Variants in ST8SIA6 observed in about 807,000 individuals in gnomAD.
ST8SIA6 encodes alpha-2,8-sialyltransferase 8F.
In ST8SIA6, 39 loss-of-function variants were observed where a neutral mutation model predicts 33.6. That is an observed-to-expected ratio of 1.16 (90% CI 0.90 to 1.52). The LOEUF is 1.52. ST8SIA6 is among the 40% of genes most tolerant of loss of function. The pLI is 0.00. For synonymous variants in ST8SIA6, 172 were observed against 167.2 expected (o/e 1.03, Z -0.22); for missense variants, 441 against 443.8 (o/e 0.99, Z 0.06).
intron 4 of ST8SIA6, among the ~76,000 whole-genome samples, chr10:17,346,068 T>C (rs1848822593): frequency 6.6e-6 from 1 of 152,170 alleles, no homozygotes; most frequent in African/African-American, 2.4e-5. Flanking sequence ...GAACGTTCAT[T>C]CTCTGGACAC....
chr10:17,401,821 A>G (rs1851052634), intron 2 of ST8SIA6, among the ~76,000 whole-genome samples: 1 of 152,154 alleles, frequency 6.6e-6, no homozygotes, highest in Non-Finnish European at 1.5e-5. Context: ...CTAAAACCAT[A>G]AAAAACCCTA....
At chr10:17,340,332 A>G (rs184956600) in intron 4 of ST8SIA6, among the ~76,000 whole-genome samples, 1 of 149,044 alleles carries the variant, frequency 6.7e-6, no homozygotes, top group African/African-American at 2.6e-5. Flanking sequence ...CACCTGCTCC[A>G]TCCTGAGTCA....
intron 3 of ST8SIA6, among the ~76,000 whole-genome samples, chr10:17,375,560 T>C (rs1173515788): frequency 6.6e-6 from 1 of 152,190 alleles, no homozygotes. Context: ...AATTCAATTG[T>C]TCTCAGTGAT....
rs114355436 is a variant in ST8SIA6, at chr10:17,387,645, G to T, written c.290+2886C>A. On this transcript the variant is annotated intron_variant, in intron 3 of 7. Transcript: ENST00000377602. ...TACAGGACTGGACTGCTGTCACATC[G>T]ATTAACCCAAATCAGAGATCTTAGC... Among the ~76,000 whole-genome samples, 342 of 152,234 alleles carry T rather than the reference G, an allele frequency of 2.2e-3. 2 individuals are homozygous for T. The highest frequency in any genetic ancestry group is 8.0e-3 in the African/African-American group (332 of 41,534).
rs189592962 is a variant in ST8SIA6 at position 17,440,279 on chromosome 10, T to G, written c.200+13280A>C. 8.8e-3 allele frequency among the ~76,000 whole-genome samples: 1,326 copies of G among 150,316 alleles called. 9 individuals carry two copies. The highest frequency in any genetic ancestry group is 0.014 in the Non-Finnish European group (960 of 67,792). On this transcript the variant is annotated intron_variant, in intron 2 of 7. Coordinates refer to ENST00000377602, the MANE Select transcript of ST8SIA6 (RefSeq NM_001004470.3). ...TGGAGTGCAGTGGCATGATCTCAGCTCACTGCAACTCCGCCTCCCGGGCTC... is the reference window on the plus strand; with the variant it reads ...TGGAGTGCAGTGGCATGATCTCAGCGCACTGCAACTCCGCCTCCCGGGCTC...
intron 2 of ST8SIA6, among the ~76,000 whole-genome samples, chr10:17,450,183 C>T (rs1852855938): frequency 6.6e-6 from 1 of 152,036 alleles, no homozygotes; most frequent in Non-Finnish European, 1.5e-5. Flanking sequence ...TTGCTAGATC[C>T]CTGAAAGGTA....
At chr10:17,328,728 C>T (rs1235924158) in intron 5 of ST8SIA6, among the ~76,000 whole-genome samples, 1 of 152,218 alleles carries the variant, frequency 6.6e-6, no homozygotes, top group African/African-American at 2.4e-5. Context: ...CTCCCACCTT[C>T]TCACTAGGTG....
intron 2 of ST8SIA6, among the ~76,000 whole-genome samples, chr10:17,453,113 A>G (rs1331462764): frequency 2.0e-5 from 3 of 152,150 alleles, no homozygotes; most frequent in Non-Finnish European, 4.4e-5. Flanking sequence ...TCCAGTCACT[A>G]AGGACAAAAT....
At chr10:17,422,657 C>T (rs930407091) in intron 2 of ST8SIA6, among the ~76,000 whole-genome samples, 3 of 152,090 alleles carry the variant, frequency 2.0e-5, no homozygotes, top group Admixed American at 6.5e-5. Flanking sequence ...CTTAGTGAAA[C>T]GGACTGTAAA....
Position 17,350,665 on chromosome 10 carries a change from A to G in ST8SIA6, c.377+8849T>C, listed in dbSNP as rs139279044. Reference sequence around the variant, plus strand: ...AGACACCACCTTTTTTTTTTTTAGCAACACTTCTATACCTCAGTTAAAATA... The same window carrying G: ...AGACACCACCTTTTTTTTTTTTAGCGACACTTCTATACCTCAGTTAAAATA... On this transcript the variant is annotated intron_variant, in intron 4 of 7. Transcript: ENST00000377602. 2.5e-3 allele frequency among the ~76,000 whole-genome samples: 386 copies of G among 151,458 alleles called. 2 individuals are homozygous for G. The highest frequency in any genetic ancestry group is 9.0e-3 in the African/African-American group (372 of 41,324).
chr10:17,353,940 C>A (rs1287200611), intron 4 of ST8SIA6, among the ~76,000 whole-genome samples: 1 of 151,888 alleles, frequency 6.6e-6, no homozygotes, highest in East Asian at 1.9e-4. Context: ...GGGTTGGGGG[C>A]GGGAAGAAAG....
intron 4 of ST8SIA6, among the ~76,000 whole-genome samples, chr10:17,356,089 T>G (rs552034208): frequency 6.6e-6 from 1 of 152,336 alleles, no homozygotes; most frequent in South Asian, 2.1e-4. Flanking sequence ...ATACTTATAT[T>G]TCTTGTCTTT....
At chr10:17,390,984 G>A (rs966921585) in intron 2 of ST8SIA6, among the ~76,000 whole-genome samples, 66 of 151,472 alleles carry the variant, frequency 4.4e-4, no homozygotes, top group Non-Finnish European at 2.5e-4. Flanking sequence ...TCAGCCTCCC[G>A]AGTAGCTAGG....
At chr10:17,361,686 A>T (rs1345103578) in intron 3 of ST8SIA6, among the ~76,000 whole-genome samples, 2 of 150,768 alleles carry the variant, frequency 1.3e-5, no homozygotes, top group Non-Finnish European at 3.0e-5. Flanking sequence ...GGTTACCCTG[A>T]TACAAAAATA....
chr10:17,323,127 A>G lies in ST8SIA6; in HGVS notation c.666T>C (p.Val222=). ...RCNLPPTTGD[V]SKDVGSKTNL... is the part of the protein sequence containing the mutation. ...TTGTTTTACTGCCAACATCTTTACTAACATCTCCTGTGGTTGGGGGTAGGT... is the reference window on the plus strand; with the variant it reads ...TTGTTTTACTGCCAACATCTTTACTGACATCTCCTGTGGTTGGGGGTAGGT... Residue 222 remains valine (V), a synonymous_variant, in exon 7 of 8, where the codon GTT becomes GTC. Transcript: ENST00000377602. The G allele has an allele frequency of 6.2e-7, 1 of 1,613,818 alleles. No individual in the cohort carries two copies. Among genetic ancestry groups the G allele is most frequent in the Non-Finnish European group, 8.5e-7 (1 of 1,179,852 alleles).
intron 6 of ST8SIA6, among the ~76,000 whole-genome samples, chr10:17,323,796 T>C (rs961299425): frequency 6.6e-6 from 1 of 152,238 alleles, no homozygotes; most frequent in Non-Finnish European, 1.5e-5. Context: ...CCAATCCTTT[T>C]ATTAAAATTG....
At position 17,431,552 on chromosome 10, in the gene ST8SIA6, C is replaced by A. The variant is rs535293411; in HGVS notation, c.200+22007G>T. On this transcript the variant is annotated intron_variant, in intron 2 of 7. Transcript: ENST00000377602. ...GTAGAAAAAGCATAAACTGTTAGAA[C>A]AACAACGCAGAGCCCGCTGGAAAAA... Among the ~76,000 whole-genome samples, 228 of 152,036 alleles carry A rather than the reference C, an allele frequency of 1.5e-3. 3 individuals carry two copies. The South Asian group carries it at 0.026, about 17-fold the overall frequency.
intron 2 of ST8SIA6, among the ~76,000 whole-genome samples, chr10:17,452,057 C>T (rs1052768949): frequency 6.6e-6 from 1 of 152,142 alleles, no homozygotes; most frequent in Non-Finnish European, 1.5e-5. Context: ...AAGGGTCAAC[C>T]CTCGAATGTG....
intron 4 of ST8SIA6, among the ~76,000 whole-genome samples, chr10:17,339,243 G>C (rs942898885): frequency 6.6e-6 from 1 of 151,920 alleles, no homozygotes; most frequent in Non-Finnish European, 1.5e-5. Flanking sequence ...TTTCCATGAA[G>C]TGTTAACAAC....
Sources: gnomAD v4.1 joint callset for allele counts (sites outside exome capture counted in the v4.1 genomes callset) on GRCh38, gnomAD v4.1.1 for gene constraint, MANE v1.5 for transcripts, NCBI Gene and HGNC (gene_info 2026-07-23, HGNC 2026-07-21) for gene names.